Variants in IL1RAPL2 observed in about 807,000 individuals in gnomAD.
IL1RAPL2 encodes X-linked interleukin-1 receptor accessory protein-like 2.
A neutral mutation model predicts 44.1 loss-of-function variants in IL1RAPL2; 3 were observed. That is an observed-to-expected ratio of 0.07 (90% CI 0.03 to 0.18). IL1RAPL2 has a LOEUF of 0.18. Ranked by LOEUF, IL1RAPL2 falls within the 10% of genes least tolerant of loss-of-function variation. The pLI, the probability that IL1RAPL2 is intolerant of heterozygous loss-of-function variation, is 1.00. For missense variants in IL1RAPL2, 391 were observed against 496.4 expected (o/e 0.79, Z 2.02); for synonymous variants, 181 against 178.8 (o/e 1.01, Z -0.10).
chrX:105,356,709 T>G (rs184393369), intron 5 of IL1RAPL2, among the ~76,000 whole-genome samples: 3 of 112,469 alleles, frequency 2.7e-5, no homozygotes, highest in African/African-American at 9.7e-5. Flanking sequence ...GACAGCCAGG[T>G]AAATGTCAGA....
chrX:105,479,600 G>T (rs1030730641), intron 5 of IL1RAPL2, among the ~76,000 whole-genome samples: 1 of 109,022 alleles, frequency 9.2e-6, no homozygotes, highest in South Asian at 4.0e-4. Flanking sequence ...TTAGCCGGGC[G>T]TGGTGGTGCA....
At chrX:104,673,455 A>G (rs1433498800) in intron 2 of IL1RAPL2, among the ~76,000 whole-genome samples, 1 of 111,124 alleles carries the variant, frequency 9.0e-6, no homozygotes, top group African/African-American at 3.3e-5. Context: ...CTATTGATCT[A>G]TATCTCTGTT....
chrX:105,430,977 T>G (rs1172717812), intron 5 of IL1RAPL2, among the ~76,000 whole-genome samples: 2 of 112,034 alleles, frequency 1.8e-5, no homozygotes, highest in Non-Finnish European at 3.8e-5. Context: ...TGGACTCTCT[T>G]GCACAGCATG....
intron 2 of IL1RAPL2, among the ~76,000 whole-genome samples, chrX:105,167,989 A>G (rs1205172624): frequency 9.0e-6 from 1 of 111,672 alleles, no homozygotes; most frequent in Non-Finnish European, 1.9e-5. Flanking sequence ...AGCCAAGTCA[A>G]TGGCAGATCC....
At chrX:104,672,797 T>A (rs1160733829) in intron 2 of IL1RAPL2, among the ~76,000 whole-genome samples, 5 of 109,702 alleles carry the variant, frequency 4.6e-5, no homozygotes, top group African/African-American at 1.7e-4. Flanking sequence ...TTCTAACTGG[T>A]GTGAGATGGT....
At chrX:105,227,383 TTGTTC>T (rs2034027286) in intron 3 of IL1RAPL2, among the ~76,000 whole-genome samples, 1 of 111,705 alleles carries the variant, frequency 9.0e-6, no homozygotes, top group South Asian at 3.7e-4. Flanking sequence ...ATGGCATTCT[TTGTTC>T]TGTTTTGTTT....
At chrX:104,863,510 TCCA>T in intron 2 of IL1RAPL2, among the ~76,000 whole-genome samples, 1 of 111,970 alleles carries the variant, frequency 8.9e-6, no homozygotes, top group Admixed American at 9.5e-5. Context: ...CTCAGAAGCT[TCCA>T]ATGACAGATT....
At chrX:104,631,579 C>A (rs960270322) in intron 1 of IL1RAPL2, among the ~76,000 whole-genome samples, 6 of 112,030 alleles carry the variant, frequency 5.4e-5, no homozygotes, top group Non-Finnish European at 1.1e-4. Flanking sequence ...TTACATTTCT[C>A]TGATGGCCAG....
At chrX:105,756,672 T>C (rs1376504756) in intron 10 of IL1RAPL2, among the ~76,000 whole-genome samples, 3 of 111,910 alleles carry the variant, frequency 2.7e-5, no homozygotes, top group Non-Finnish European at 3.8e-5. Flanking sequence ...CCAAGCTTCT[T>C]ATCATGGTCC....
At chrX:104,820,894 T>A (rs1921284904) in intron 2 of IL1RAPL2, among the ~76,000 whole-genome samples, 1 of 112,567 alleles carries the variant, frequency 8.9e-6, no homozygotes, top group African/African-American at 3.2e-5. Context: ...TGTGATACTC[T>A]CATATGTTTC....
intron 6 of IL1RAPL2, among the ~76,000 whole-genome samples, chrX:105,499,007 C>T (rs5962537): frequency 0.22 from 23,773 of 110,199 alleles, 6,366 homozygotes; most frequent in African/African-American, 0.75. Flanking sequence ...GGGATCTAGG[C>T]TGCGTGCTCC....
At chrX:105,695,143 A>T (rs2038066968) in intron 6 of IL1RAPL2, among the ~76,000 whole-genome samples, 1 of 112,023 alleles carries the variant, frequency 8.9e-6, no homozygotes, top group Admixed American at 9.5e-5. Context: ...TGCCATTCTT[A>T]AAGTTATCAA....
chrX:105,683,654 C>T (rs753669923), intron 6 of IL1RAPL2, among the ~76,000 whole-genome samples: 1 of 111,780 alleles, frequency 8.9e-6, no homozygotes, highest in South Asian at 3.7e-4. Flanking sequence ...GAAACTACTC[C>T]TTTCCATGGA....
At position 104,681,631 on chromosome X, in the gene IL1RAPL2, A is replaced by T. The variant is rs546846151; in HGVS notation, c.82+22636A>T. On this transcript the variant is annotated intron_variant, in intron 2 of 10. Coordinates refer to ENST00000372582, the MANE Select transcript of IL1RAPL2 (RefSeq NM_017416.2). ...TGAGATTTAGGTTGACATTTGAAGA[A>T]ATTTTCTTTTAAACTAATAGAATCA... Among the ~76,000 whole-genome samples the T allele has an allele frequency of 2.9e-4, 33 of 112,921 alleles. 1 individual carries two copies. The South Asian group carries it at 0.012, about 39-fold the overall frequency.
intron 1 of IL1RAPL2, among the ~76,000 whole-genome samples, chrX:104,628,593 A>G (rs1160787914): frequency 1.8e-5 from 2 of 112,023 alleles, no homozygotes; most frequent in Non-Finnish European, 3.8e-5. Flanking sequence ...TAAAGCTGCA[A>G]TAAATATGGA....
At chrX:104,999,473 C>A (rs190940885) in intron 2 of IL1RAPL2, among the ~76,000 whole-genome samples, 1 of 111,651 alleles carries the variant, frequency 9.0e-6, no homozygotes, top group African/African-American at 3.3e-5. Flanking sequence ...GCATTTAAAG[C>A]GAGGCCAATC....
intron 2 of IL1RAPL2, among the ~76,000 whole-genome samples, chrX:104,659,556 G>A (rs1178777197): frequency 1.8e-5 from 2 of 111,985 alleles, no homozygotes; most frequent in Non-Finnish European, 3.8e-5. Context: ...TAAGAGATTA[G>A]CTGTAGCCAG....
intron 2 of IL1RAPL2, among the ~76,000 whole-genome samples, chrX:104,873,371 T>C (rs997261242): frequency 2.7e-5 from 3 of 112,154 alleles, no homozygotes; most frequent in African/African-American, 9.7e-5. Context: ...GACACAAACA[T>C]TCAGTCCATT....
chrX:105,273,159 C>T (rs779023154), intron 5 of IL1RAPL2, among the ~76,000 whole-genome samples: 10 of 111,694 alleles, frequency 9.0e-5, no homozygotes, highest in African/African-American at 2.9e-4. Flanking sequence ...ATTGAGAGCT[C>T]ACTGTGCAAC....
Sources: allele counts gnomAD v4.1 joint callset (sites outside exome capture counted in the v4.1 genomes callset), GRCh38; gene constraint gnomAD v4.1.1; transcripts MANE v1.5; gene names NCBI Gene and HGNC (gene_info 2026-07-23, HGNC 2026-07-21).